FAM83C: variants seen among roughly 807,000 people sequenced by gnomAD.
FAM83C encodes the protein scaffolding CK1 anchoring protein C.
Under a neutral mutation model 27.1 loss-of-function variants are expected in FAM83C, and 23 were observed. The ratio of observed to expected loss-of-function variants is 0.85; its 90% CI spans 0.61 to 1.20. The LOEUF is 1.20. FAM83C is among the 50% of genes most tolerant of loss of function. FAM83C has a pLI of 0.00. For synonymous variants in FAM83C, 426 were observed against 423.1 expected (o/e 1.01, Z -0.09); for missense variants, 984 against 1,001.3 (o/e 0.98, Z 0.23).
At chr20:35,288,767 T>C in intron 2 of FAM83C, 24 bp downstream of exon 2, 5 of 1,401,464 alleles carry the variant, frequency 3.6e-6, no homozygotes, top group Non-Finnish European at 4.8e-6. Flanking sequence ...ACACCCCTGG[T>C]TACTGCCCCT....
rs10589779 is a variant in FAM83C, at chr20:35,285,932, ATGTG to A, written c.*599_*602del. The A allele has an allele frequency of 2.0e-5, 3 of 153,260 alleles. No homozygotes were observed. The highest frequency in any genetic ancestry group is 2.9e-5 in the Non-Finnish European group (2 of 69,276). The allele number at this position is 153,260 out of a possible 1,614,324, so 9.5% of individuals were successfully genotyped here. ...GACAATGATGATGATGATAATGATG[ATGTG>A]TGTGTGTGTGTGTTTCCGGGTATCC... is the stretch of plus-strand genomic sequence containing the variant. On this transcript the variant is annotated 3_prime_UTR_variant, in exon 4 of 4. Transcript: ENST00000374408.
At position 35,287,709 on chromosome 20, in the gene FAM83C, A is replaced by T. The variant is rs771175139; in HGVS notation, c.1070T>A (p.Met357Lys). The change falls in exon 4 of 4, where the codon ATG becomes AAG. Residue 357 changes from methionine (M) to lysine (K), a missense_variant. Coordinates refer to ENST00000374408, the MANE Select transcript of FAM83C (RefSeq NM_178468.6). ...SLSSIKQSPL[M>K]GRSSYLALPG... is the part of the protein sequence containing the mutation. ...TAGAGCGAGGTAGGAGGAGCGACCC[A>T]TAAGCGGTGACTGCTTGATGCTGCT... 1 of 1,614,010 alleles carries T rather than the reference A, an allele frequency of 6.2e-7. No homozygotes were observed. Among genetic ancestry groups the T allele is most frequent in the Middle Eastern group, 1.6e-4 (1 of 6,062 alleles).
chr20:35,288,829 T>A lies in FAM83C; in HGVS notation c.643A>T (p.Met215Leu), dbSNP rs779490731. ...CCATTGAGGTCCATCTTGTAGCACA[T>A]CTCCAGGAAGTGCCTCAGGTGCTCC... ...AQEHLRHFLE[M>L]CYKMDLNGEH... The change falls in exon 2 of 4, where the codon ATG (methionine) becomes TTG (leucine). Residue 215 changes from methionine (M) to leucine (L), a missense_variant. Transcript: ENST00000374408. The A allele has an allele frequency of 1.2e-6, 2 of 1,613,124 alleles. No homozygotes were observed. Among genetic ancestry groups the A allele is most frequent in the African/African-American group, 2.7e-5 (2 of 74,810 alleles).
chr20:35,290,865 G>T (rs1427462847), intron 1 of FAM83C, among the ~76,000 whole-genome samples: 1 of 152,192 alleles, frequency 6.6e-6, no homozygotes. Context: ...TTGCCAGGGA[G>T]GCTCTGGAAG....
chr20:35,286,359 GTGT>G lies in FAM83C; in HGVS notation c.*173_*175del. The G allele has an allele frequency of 1.8e-6, 1 of 547,524 alleles. No homozygotes were observed. Among genetic ancestry groups the G allele is most frequent in the Non-Finnish European group, 3.2e-6 (1 of 311,678 alleles). 33.9% of individuals were successfully genotyped at this position (547,524 alleles called of 1,614,324 possible). A position where few individuals can be genotyped will look rare whatever the true frequency, so the allele number is the denominator to read the frequency against. ...TTCAAGAAGATACTAGTTAGGGTGT[GTGT>G]GTGTGTGTGTGTGTGTGTGTGTGTA... On this transcript the variant is annotated 3_prime_UTR_variant, in exon 4 of 4. Coordinates refer to ENST00000374408, the MANE Select transcript of FAM83C (RefSeq NM_178468.6).
At chr20:35,288,048 T>C in intron 3 of FAM83C, 76 bp from the exon 4 acceptor site, 1 of 1,299,788 alleles carries the variant, frequency 7.7e-7, no homozygotes, top group Non-Finnish European at 1.1e-6. Flanking sequence ...CAGCCAGGGG[T>C]GCATACCTGG....
rs746725920 is a variant in FAM83C, at chr20:35,286,730, G to A, written c.2049C>T (p.Ile683=). The A allele has an allele frequency of 2.5e-6, 4 of 1,614,244 alleles. No homozygotes were observed. The highest frequency in any genetic ancestry group is 3.4e-6 in the Non-Finnish European group (4 of 1,180,042). ...LTLGHSKLDL[I]TKYHQLHGAR... is the part of the protein sequence containing the mutation. Reference sequence around the variant, plus strand: ...CCCCGTGCAACTGATGATACTTGGTGATGAGGTCCAGCTTGCTGTGGCCCA... The same window carrying A: ...CCCCGTGCAACTGATGATACTTGGTAATGAGGTCCAGCTTGCTGTGGCCCA... The change falls in exon 4 of 4, where the codon ATC becomes ATT. Residue 683 remains isoleucine, a synonymous_variant. Transcript: ENST00000374408.
Position 35,288,496 on chromosome 20 carries a change from G to A in FAM83C, c.771C>T (p.Leu257=). The A allele has an allele frequency of 6.2e-7, 1 of 1,614,144 alleles. No homozygotes were observed. The highest frequency in any genetic ancestry group is 8.5e-7 in the Non-Finnish European group (1 of 1,180,004). The change falls in exon 3 of 4, where the codon CTC becomes CTT. Residue 257 remains leucine, a synonymous_variant. Coordinates refer to ENST00000374408, the MANE Select transcript of FAM83C (RefSeq NM_178468.6). The part of the protein sequence containing the change: ...FTGQALEKFV[L]IDCEQVVAGS... Reference sequence around the variant, plus strand: ...CCGCCACCACTTGCTCACAGTCAATGAGGACGAACTTCTCCAGGGCCTGCC... The same window carrying A: ...CCGCCACCACTTGCTCACAGTCAATAAGGACGAACTTCTCCAGGGCCTGCC...
chr20:35,287,389 G>T lies in FAM83C; in HGVS notation c.1390C>A (p.Arg464=). 1 of 1,614,044 alleles carries T rather than the reference G, an allele frequency of 6.2e-7. No homozygotes were observed. Among genetic ancestry groups the T allele is most frequent in the East Asian group, 2.2e-5 (1 of 44,880 alleles). The stretch of plus-strand genomic sequence containing the variant: ...CCTGGGAGCCCATTCTCTGGGAACC[G>T]GGACAGAGCTGGGGCACCCCGATGG... ...QFHRGAPALS[R]FPENGLPGSQ... The change falls in exon 4 of 4, where the codon CGG becomes AGG. Residue 464 remains arginine, a synonymous_variant. Transcript: ENST00000374408.
In FAM83C at chr20:35,291,852, C is replaced by A; in HGVS notation, c.453G>T (p.Gln151His). 1.2e-6 allele frequency: 2 copies of A among 1,614,206 alleles called. No homozygotes were observed. The highest frequency in any genetic ancestry group is 2.2e-5 in the East Asian group (1 of 44,886). ...CCTTGATGTTCTTGGCCTTGTCCCT[C>A]TGGAAGTGGACCACAGCCTGGGTGG... ...FSPTQAVVHF[Q>H]RDKAKNIKDL... Residue 151 changes from glutamine to histidine, a missense_variant, in exon 1 of 4, where the codon CAG becomes CAT. By Grantham distance (24) the Gln-to-His change is conservative (BLOSUM62 0). Coordinates refer to ENST00000374408, the MANE Select transcript of FAM83C (RefSeq NM_178468.6).
In FAM83C at chr20:35,286,673, C is replaced by G. The variant is rs767888609; in HGVS notation, c.2106G>C (p.Lys702Asn). Residue 702 changes from lysine (K) to asparagine (N), a missense_variant, in exon 4 of 4, where the codon AAG becomes AAC. Transcript: ENST00000374408. ...ARQGTEPGGP[K>N]GGHLNGGNSD... ...TGTTACCACCATTGAGATGGCCACC[C>G]TTGGGACCCCCAGGCTCAGTTCCCT... 1 of 1,613,914 alleles carries G rather than the reference C, an allele frequency of 6.2e-7. No homozygotes were observed. The highest frequency in any genetic ancestry group is 8.5e-7 in the Non-Finnish European group (1 of 1,179,996).
chr20:35,292,402 C>T lies in FAM83C; in HGVS notation c.-98G>A, dbSNP rs1460188603. The T allele has an allele frequency of 7.1e-7, 1 of 1,411,254 alleles. No homozygotes were observed. The highest frequency in any genetic ancestry group is 9.2e-7 in the Non-Finnish European group (1 of 1,082,136). The allele number at this position is 1,411,254 out of a possible 1,614,324, so 87.4% of individuals were successfully genotyped here. On this transcript the variant is annotated 5_prime_UTR_variant, in exon 1 of 4. Transcript: ENST00000374408. ...GGAGACCAGCAGAACCGCCTTCTGC[C>T]CGCCCGCTCGCTGTGTGTGTGGCAG...
intron 1 of FAM83C, among the ~76,000 whole-genome samples, chr20:35,290,113 G>A (rs2060842611): frequency 6.6e-6 from 1 of 152,218 alleles, no homozygotes; most frequent in African/African-American, 2.4e-5. Flanking sequence ...AAGCCACAGA[G>A]GTCTGGTGTG....
chr20:35,289,200 C>T (rs990922902), intron 1 of FAM83C, among the ~76,000 whole-genome samples: 2 of 152,190 alleles, frequency 1.3e-5, no homozygotes, highest in Non-Finnish European at 1.5e-5. Context: ...GTCTGTCTCA[C>T]TCTGTTGCCC....
At position 35,287,797 on chromosome 20, in the gene FAM83C, C is replaced by T; in HGVS notation, c.982G>A (p.Ala328Thr). 1 of 1,603,304 alleles carries T rather than the reference C, an allele frequency of 6.2e-7. No homozygotes were observed. Among genetic ancestry groups the T allele is most frequent in the Middle Eastern group, 1.7e-4 (1 of 6,048 alleles). ...SPRALRPPPV[A>T]LAFRPDVPSP... is the part of the protein sequence containing the mutation. The stretch of plus-strand genomic sequence containing the variant: ...GGGACATCAGGCCTGAAGGCTAGGG[C>T]CACAGGGGGAGGACGCAGTGCCCGG... Residue 328 changes from alanine to threonine, a missense_variant, in exon 4 of 4, where the codon GCC becomes ACC. By Grantham distance (58) the Ala-to-Thr change is moderately conservative. Transcript: ENST00000374408.
In FAM83C at chr20:35,287,570, G is replaced by A. The variant is rs750590255; in HGVS notation, c.1209C>T (p.His403=). 20 of 1,614,038 alleles carry A rather than the reference G, an allele frequency of 1.2e-5. No individual in the cohort carries two copies. The highest frequency in any genetic ancestry group is 1.6e-4 in the Middle Eastern group (1 of 6,084). The change falls in exon 4 of 4, where the codon CAC becomes CAT. Residue 403 remains histidine (H), a synonymous_variant. Coordinates refer to ENST00000374408, the MANE Select transcript of FAM83C (RefSeq NM_178468.6). ...SLHRQLSDPN[H]GSPPGLYRAN... ...CCCTATAGAGCCCAGGAGGGGAGCC[G>A]TGGTTAGGGTCTGACAGTTGGCGAT...
Position 35,286,834 on chromosome 20 carries a change from G to T in FAM83C, c.1945C>A (p.Pro649Thr). The change falls in exon 4 of 4, where the codon CCT becomes ACT. Residue 649 changes from proline to threonine, a missense_variant. By Grantham distance (38) the Pro-to-Thr change is conservative. Coordinates refer to ENST00000374408, the MANE Select transcript of FAM83C (RefSeq NM_178468.6). ...TKFGPFRGEG[P>T]GPNGLPISSP... ...GATATCGGGAGACCATTGGGCCCAG[G>T]CCCCTCACCACGGAATGGGCCGAAC... 6.2e-7 allele frequency: 1 copy of T among 1,614,164 alleles called. No homozygotes were observed. The highest frequency in any genetic ancestry group is 1.1e-5 in the South Asian group (1 of 91,090).
chr20:35,288,946 C>A lies in FAM83C; in HGVS notation c.526G>T (p.Val176Leu). ...FSQAHTVVAV[V>L]MDIFTDMELL... ...TCCATGTCAGTGAATATGTCCATCA[C>A]CACAGCCACCACCTGGGTGGGGGGA... Residue 176 changes from valine (V) to leucine (L), a missense_variant, in exon 2 of 4, where the codon GTG becomes TTG. Coordinates refer to ENST00000374408, the MANE Select transcript of FAM83C (RefSeq NM_178468.6). 6.2e-7 allele frequency: 1 copy of A among 1,613,534 alleles called. No homozygotes were observed. The highest frequency in any genetic ancestry group is 1.1e-5 in the South Asian group (1 of 91,020).
chr20:35,289,750 C>T (rs1249370904), intron 1 of FAM83C, among the ~76,000 whole-genome samples: 1 of 152,150 alleles, frequency 6.6e-6, no homozygotes, highest in Non-Finnish European at 1.5e-5. Context: ...ACTGGGATTA[C>T]AGTCAAATCC....
Sources: allele counts gnomAD v4.1 joint callset (sites outside exome capture counted in the v4.1 genomes callset), GRCh38; gene constraint gnomAD v4.1.1; transcripts MANE v1.5; gene names NCBI Gene and HGNC (gene_info 2026-07-23, HGNC 2026-07-21).